Variants in CSMD1 observed in about 807,000 individuals in gnomAD.
The protein encoded by CSMD1 is CUB and sushi domain-containing protein 1.
In CSMD1, 213 loss-of-function variants were observed where a neutral mutation model predicts 417.5. The observed-to-expected ratio is 0.51, with a 90% CI of 0.46 to 0.57. The LOEUF (loss-of-function observed/expected upper bound fraction) is 0.57, where lower values mean the gene tolerates loss of function less well. Ranked by LOEUF, CSMD1 falls within the 20% of genes least tolerant of loss-of-function variation. The pLI is 0.00. For synonymous variants in CSMD1, 2,862 were observed against 1,736.8 expected, an observed-to-expected ratio of 1.65 and a Z score of -16.11; for missense variants, 6,923 against 4,529.7, an observed-to-expected ratio of 1.53 and a Z score of -15.17.
chr8:3,519,414 C>T (rs1417406382), intron 10 of CSMD1, among the ~76,000 whole-genome samples: 1 of 152,132 alleles, frequency 6.6e-6, no homozygotes, highest in Non-Finnish European at 1.5e-5. Context: ...CTGGTAATTG[C>T]ATGCTGGTTC....
At chr8:3,420,517 T>C (rs1344042857) in intron 12 of CSMD1, among the ~76,000 whole-genome samples, 1 of 151,960 alleles carries the variant, frequency 6.6e-6, no homozygotes, top group East Asian at 1.9e-4. Context: ...CGATATAAAG[T>C]ATTAAATATA....
intron 5 of CSMD1, among the ~76,000 whole-genome samples, chr8:3,790,820 G>C (rs1248066385): frequency 1.3e-5 from 2 of 152,136 alleles, no homozygotes; most frequent in African/African-American, 4.8e-5. Context: ...ATGGGACCTG[G>C]AGATGTCAGA....
At chr8:4,255,756 T>A (rs1481447733) in intron 3 of CSMD1, among the ~76,000 whole-genome samples, 4 of 152,238 alleles carry the variant, frequency 2.6e-5, no homozygotes, top group African/African-American at 9.6e-5. Flanking sequence ...ACAAAAGTTC[T>A]AAAATTAATA....
Position 3,928,739 on chromosome 8 carries a change from A to C in CSMD1, c.818+69164T>G, listed in dbSNP as rs543456094. On this transcript the variant is annotated intron_variant, in intron 5 of 69. Transcript: ENST00000635120. Reference sequence around the variant, plus strand: ...TTCTTAATATACGTGAATACTTTTGAACCCATTCTGAAATCAAAGGTGGTC... The same window carrying C: ...TTCTTAATATACGTGAATACTTTTGCACCCATTCTGAAATCAAAGGTGGTC... Among the ~76,000 whole-genome samples the C allele has an allele frequency of 4.1e-4, 62 of 150,092 alleles. 4 individuals carry two copies. The highest frequency in any genetic ancestry group is 1.5e-3 in the African/African-American group (61 of 40,716).
intron 1 of CSMD1, among the ~76,000 whole-genome samples, chr8:4,919,974 C>G (rs906150648): frequency 6.6e-6 from 1 of 152,136 alleles, no homozygotes; most frequent in Admixed American, 6.5e-5. Flanking sequence ...GACTTCCCAG[C>G]CTCCAGAACC....
At chr8:4,687,437 T>C (rs1021574090) in intron 1 of CSMD1, among the ~76,000 whole-genome samples, 1 of 152,208 alleles carries the variant, frequency 6.6e-6, no homozygotes, top group African/African-American at 2.4e-5. Flanking sequence ...ACTTTCAATG[T>C]TGATAATTTA....
intron 1 of CSMD1, among the ~76,000 whole-genome samples, chr8:4,885,702 T>C (rs986373184): frequency 6.6e-6 from 1 of 151,438 alleles, no homozygotes; most frequent in East Asian, 1.9e-4. Flanking sequence ...ATTAGAGATA[T>C]AATAAAGATA....
intron 6 of CSMD1, among the ~76,000 whole-genome samples, chr8:3,725,610 A>T (rs541284328): frequency 1.3e-5 from 2 of 152,174 alleles, no homozygotes; most frequent in Admixed American, 1.3e-4. Context: ...AGGAGAGAGA[A>T]GGTTTCAGGG....
chr8:3,981,514 A>AAAAAAAAAAAAAC (rs1813865940), intron 5 of CSMD1, among the ~76,000 whole-genome samples: 1 of 150,922 alleles, frequency 6.6e-6, no homozygotes, highest in Non-Finnish European at 1.5e-5. Context: ...AAAAAAAAAA[A>AAAAAAAAAAAAAC]AAAAAAAAAA....
intron 2 of CSMD1, among the ~76,000 whole-genome samples, chr8:4,592,693 C>A (rs192629961): frequency 6.3e-4 from 96 of 152,164 alleles, no homozygotes; most frequent in Non-Finnish European, 1.3e-3. Context: ...GGCCTCTTTT[C>A]CTTATTTTTG....
intron 3 of CSMD1, among the ~76,000 whole-genome samples, chr8:4,109,263 G>C (rs1312420529): frequency 6.6e-6 from 1 of 151,882 alleles, no homozygotes; most frequent in Non-Finnish European, 1.5e-5. Context: ...TTTGACCCTT[G>C]GTTGTTTGCA....
chr8:4,616,265 A>G (rs1182762554), intron 2 of CSMD1, among the ~76,000 whole-genome samples: 3 of 152,206 alleles, frequency 2.0e-5, no homozygotes, highest in African/African-American at 7.2e-5. Flanking sequence ...TGGTTTACCA[A>G]TTGTACAAGT....
At chr8:3,895,948 C>G (rs112911862) in intron 5 of CSMD1, among the ~76,000 whole-genome samples, 1 of 152,278 alleles carries the variant, frequency 6.6e-6, no homozygotes, top group South Asian at 2.1e-4. Context: ...ACTTTAGGTC[C>G]CACTTGTAAA....
chr8:4,532,749 C>A (rs937845763), intron 2 of CSMD1, among the ~76,000 whole-genome samples: 6 of 148,714 alleles, frequency 4.0e-5, no homozygotes, highest in African/African-American at 1.2e-4. Flanking sequence ...AGAAATCCTG[C>A]ACCCCCATTC....
At chr8:3,468,611 T>C in intron 12 of CSMD1, 101 bp downstream of exon 12, 1 of 652,946 alleles carries the variant, frequency 1.5e-6, no homozygotes, top group Non-Finnish European at 2.6e-6. Context: ...ATCAGCATTG[T>C]TTGACTTGTT....
chr8:3,378,697 A>G (rs1438879009), intron 18 of CSMD1, among the ~76,000 whole-genome samples: 3 of 152,118 alleles, frequency 2.0e-5, no homozygotes. Context: ...AAACTTCAAC[A>G]CCCCTTCATG....
chr8:4,385,727 C>G (rs541342789), intron 3 of CSMD1, among the ~76,000 whole-genome samples: 3 of 152,004 alleles, frequency 2.0e-5, no homozygotes, highest in Admixed American at 6.6e-5. Context: ...TCAACCCATA[C>G]GTTGAAAATT....
At chr8:4,274,746 G>C (rs754763515) in intron 3 of CSMD1, among the ~76,000 whole-genome samples, 4 of 152,134 alleles carry the variant, frequency 2.6e-5, no homozygotes, top group African/African-American at 7.2e-5. Context: ...AAACTGCCTT[G>C]TGATCAGGAG....
intron 3 of CSMD1, among the ~76,000 whole-genome samples, chr8:4,286,339 T>TA (rs1168271691): frequency 2.6e-5 from 4 of 152,114 alleles, no homozygotes; most frequent in African/African-American, 7.2e-5. Flanking sequence ...CTTTTATTTT[T>TA]AAAAAACAAC....
Sources: gnomAD v4.1 joint callset for allele counts (sites outside exome capture counted in the v4.1 genomes callset) on GRCh38, gnomAD v4.1.1 for gene constraint, MANE v1.5 for transcripts, NCBI Gene and HGNC (gene_info 2026-07-23, HGNC 2026-07-21) for gene names.